PHF14: variants seen among roughly 807,000 people sequenced by gnomAD.
PHF14 encodes the protein PHD finger protein 14.
In PHF14, 55 loss-of-function variants were observed where a neutral mutation model predicts 117.9. The ratio of observed to expected loss-of-function variants is 0.47; its 90% confidence interval spans 0.38 to 0.58. The LOEUF (loss-of-function observed/expected upper bound fraction) is 0.58, where lower values mean the gene tolerates loss of function less well. Ranked by LOEUF, PHF14 falls within the 20% of genes least tolerant of loss-of-function variation. PHF14 has a pLI of 0.00. For synonymous variants in PHF14, 409 were observed against 368.6 expected (o/e 1.11, Z -1.26); for missense variants, 978 against 1,122.2 (o/e 0.87, Z 1.84).
At chr7:11,067,065 T>G (rs1442680988) in intron 16 of PHF14, among the ~76,000 whole-genome samples, 1 of 152,158 alleles carries the variant, frequency 6.6e-6, no homozygotes, top group East Asian at 1.9e-4. Context: ...TATTTGCAAG[T>G]CATGTATCTG....
At chr7:11,060,012 C>T (rs1030705158) in intron 14 of PHF14, among the ~76,000 whole-genome samples, 1 of 151,962 alleles carries the variant, frequency 6.6e-6, no homozygotes, top group African/African-American at 2.4e-5. Context: ...CTGGGACTAC[C>T]AGCACTCACA....
chr7:11,091,229 G>A (rs1786630106), intron 16 of PHF14, among the ~76,000 whole-genome samples: 1 of 152,144 alleles, frequency 6.6e-6, no homozygotes, highest in Admixed American at 6.6e-5. Flanking sequence ...TACTAGGGTT[G>A]TAGCAGATAA....
At chr7:11,159,286 CTA>C (rs1788955009) in intron 17 of PHF14, among the ~76,000 whole-genome samples, 1 of 151,812 alleles carries the variant, frequency 6.6e-6, no homozygotes, top group African/African-American at 2.4e-5. Context: ...TGATCTATAA[CTA>C]TTTTTTTTAA....
chr7:11,116,422 G>A (rs1562473855), intron 17 of PHF14, among the ~76,000 whole-genome samples: 1 of 151,974 alleles, frequency 6.6e-6, no homozygotes, highest in African/African-American at 2.4e-5. Flanking sequence ...GTAGGTATAC[G>A]TATTCATACA....
intron 17 of PHF14, among the ~76,000 whole-genome samples, chr7:11,132,749 C>T (rs2128349098): frequency 6.6e-6 from 1 of 151,714 alleles, no homozygotes; most frequent in East Asian, 1.9e-4. Context: ...TTTTCTCCAC[C>T]CCCTCACCAA....
chr7:11,059,555 C>T (rs149859616), intron 14 of PHF14, among the ~76,000 whole-genome samples: 16 of 152,254 alleles, frequency 1.1e-4, no homozygotes, highest in African/African-American at 3.6e-4. Context: ...GCAGGTGGAT[C>T]GCTTTAGGTC....
At chr7:11,070,610 C>A (rs915605831) in intron 16 of PHF14, among the ~76,000 whole-genome samples, 1 of 152,110 alleles carries the variant, frequency 6.6e-6, no homozygotes, top group Non-Finnish European at 1.5e-5. Flanking sequence ...CTTATGTGGC[C>A]CCATATTGAT....
At chr7:11,029,686 A>G (rs190312002) in intron 7 of PHF14, among the ~76,000 whole-genome samples, 1 of 152,314 alleles carries the variant, frequency 6.6e-6, no homozygotes, top group African/African-American at 2.4e-5. Context: ...TGTCTAAAAT[A>G]TAACTCACAT....
intron 17 of PHF14, among the ~76,000 whole-genome samples, chr7:11,157,350 A>G (rs1788893806): frequency 6.6e-6 from 1 of 151,844 alleles, no homozygotes; most frequent in Non-Finnish European, 1.5e-5. Flanking sequence ...AAATGAGAAC[A>G]TTATTTGATC....
intron 16 of PHF14, among the ~76,000 whole-genome samples, chr7:11,089,646 C>G (rs1047428760): frequency 6.6e-6 from 1 of 151,828 alleles, no homozygotes; most frequent in African/African-American, 2.4e-5. Flanking sequence ...CAAGTTTGAG[C>G]AAAGTATTAT....
At chr7:11,080,061 A>G (rs748592077) in intron 16 of PHF14, among the ~76,000 whole-genome samples, 2 of 152,178 alleles carry the variant, frequency 1.3e-5, no homozygotes, top group African/African-American at 2.4e-5. Context: ...CATTTTTACT[A>G]CGAATGAATG....
chr7:11,078,297 A>C (rs1583443600), intron 16 of PHF14, among the ~76,000 whole-genome samples: 1 of 152,132 alleles, frequency 6.6e-6, no homozygotes, highest in East Asian at 1.9e-4. Context: ...GTGATAGTGC[A>C]TTTAATATTT....
In PHF14 at chr7:11,137,567, T is replaced by C. The variant is rs115355132; in HGVS notation, c.2772+26100T>C. On this transcript the variant is annotated intron_variant, in intron 17 of 17. Coordinates refer to ENST00000634607, the MANE Select transcript of PHF14 (RefSeq NM_001007157.2). Reference sequence around the variant, plus strand: ...AGTTCTAAAGTTAAACATTAATCACTTTTACATTTTAACTTAAAAATTCTT... The same window carrying C: ...AGTTCTAAAGTTAAACATTAATCACCTTTACATTTTAACTTAAAAATTCTT... Among the ~76,000 whole-genome samples the C allele has an allele frequency of 7.7e-3, 1,168 of 151,680 alleles. 12 individuals are homozygous for C. The highest frequency in any genetic ancestry group is 0.027 in the African/African-American group (1,116 of 41,362).
intron 4 of PHF14, among the ~76,000 whole-genome samples, chr7:10,993,233 A>T (rs183942385): frequency 1.4e-3 from 217 of 151,916 alleles, no homozygotes; most frequent in Middle Eastern, 0.014. Context: ...TATTATTATT[A>T]TTTTTTAATC....
Position 11,145,517 on chromosome 7 carries a change from T to A in PHF14, c.2773-23899T>A, listed in dbSNP as rs569586107. Among the ~76,000 whole-genome samples the A allele has an allele frequency of 6.2e-3, 943 of 152,248 alleles. 7 individuals are homozygous for A. Among genetic ancestry groups the A allele is most frequent in the African/African-American group, 0.022 (904 of 41,574 alleles). On this transcript the variant is annotated intron_variant, in intron 17 of 17. Coordinates refer to ENST00000634607, the MANE Select transcript of PHF14 (RefSeq NM_001007157.2). ...AGCAGAATAGAATTGAGCATTTTCTTAATTCTTATAATATAAAGGTGCTGA... is the reference window on the plus strand; with the variant it reads ...AGCAGAATAGAATTGAGCATTTTCTAAATTCTTATAATATAAAGGTGCTGA...
At chr7:11,074,362 C>T (rs911067886) in intron 16 of PHF14, among the ~76,000 whole-genome samples, 2 of 151,964 alleles carry the variant, frequency 1.3e-5, no homozygotes, top group African/African-American at 2.4e-5. Context: ...AGGCGCCTGC[C>T]ACCACGCCCA....
chr7:11,049,474 CAAA>C lies in PHF14; in HGVS notation c.2313-2121_2313-2119del, dbSNP rs11342926. 1.5e-4 allele frequency among the ~76,000 whole-genome samples: 17 copies of C among 110,354 alleles called. 1 individual carries two copies. Among genetic ancestry groups the C allele is most frequent in the Admixed American group, 1.8e-4 (2 of 11,032 alleles). The allele number at this position is 110,354 out of a possible 152,430, so 72.4% of individuals were successfully genotyped here. ...TGGGCGACTTAGCAAGACTGTCTCTCAAAAAAAAAAAAAAAAAAAGTGTAAATT... is the reference window on the plus strand; with the variant it reads ...TGGGCGACTTAGCAAGACTGTCTCTCAAAAAAAAAAAAAAAAGTGTAAATT... On this transcript the variant is annotated intron_variant, in intron 13 of 17. Transcript: ENST00000634607.
At chr7:11,063,651 T>G (rs1362690894) in intron 16 of PHF14, 2 of 971,684 alleles carry the variant, frequency 2.1e-6, no homozygotes, top group Admixed American at 6.2e-5. Context: ...GACTTAGAGG[T>G]TTTTATTAGG....
At chr7:11,145,435 TTATA>T (rs1181228635) in intron 17 of PHF14, among the ~76,000 whole-genome samples, 4 of 152,108 alleles carry the variant, frequency 2.6e-5, no homozygotes, top group South Asian at 2.1e-4. Flanking sequence ...TTGCTAAAAC[TTATA>T]TAGACTGAAA....
Sources: gnomAD v4.1 joint callset for allele counts (sites outside exome capture counted in the v4.1 genomes callset) on GRCh38, gnomAD v4.1.1 for gene constraint, MANE v1.5 for transcripts, NCBI Gene and HGNC (gene_info 2026-07-23, HGNC 2026-07-21) for gene names.